Variants in PPP1R12A observed in about 807,000 individuals in gnomAD.
PPP1R12A encodes the protein protein phosphatase 1 regulatory subunit 12A.
Under a neutral mutation model 139.6 loss-of-function variants are expected in PPP1R12A, and 19 were observed. The observed-to-expected ratio is 0.14, with a 90% CI of 0.09 to 0.20. PPP1R12A has a LOEUF of 0.20. Ranked by LOEUF, PPP1R12A falls within the 10% of genes least tolerant of loss-of-function variation. The pLI is 1.00. For synonymous variants in PPP1R12A, 427 were observed against 420.6 expected, an observed-to-expected ratio of 1.02 and a Z score of -0.19; for missense variants, 925 against 1,211.5, an observed-to-expected ratio of 0.76 and a Z score of 3.51.
At chr12:79,874,306 A>G (rs1331911971) in intron 1 of PPP1R12A, among the ~76,000 whole-genome samples, 13 of 152,016 alleles carry the variant, frequency 8.6e-5, no homozygotes, top group African/African-American at 3.1e-4. Context: ...AATTAACAGT[A>G]TATTTGTTGC....
intron 7 of PPP1R12A, 69 bp from the exon 8 acceptor site, chr12:79,821,000 A>G: frequency 1.3e-6 from 2 of 1,597,198 alleles, no homozygotes; most frequent in Non-Finnish European, 1.7e-6. Flanking sequence ...TTCTTCCCAG[A>G]TCCACAATAA....
chr12:79,933,453 A>G (rs1056947835), intron 1 of PPP1R12A, among the ~76,000 whole-genome samples: 5 of 152,210 alleles, frequency 3.3e-5, no homozygotes, highest in African/African-American at 4.8e-5. Context: ...CAACCTCCCA[A>G]ACAAGTTTTT....
At chr12:79,810,293 G>A (rs545193372) in intron 9 of PPP1R12A, among the ~76,000 whole-genome samples, 1 of 152,204 alleles carries the variant, frequency 6.6e-6, no homozygotes, top group African/African-American at 2.4e-5. Flanking sequence ...ACAGAAATGA[G>A]CACACCATAA....
At chr12:79,877,138 A>G (rs576284269) in intron 1 of PPP1R12A, among the ~76,000 whole-genome samples, 2 of 152,282 alleles carry the variant, frequency 1.3e-5, no homozygotes, top group South Asian at 4.1e-4. Context: ...TGGTGTCTTT[A>G]TATTTCAAGT....
At chr12:79,806,071 G>T in intron 13 of PPP1R12A, 95 bp downstream of exon 13, 1 of 1,410,578 alleles carries the variant, frequency 7.1e-7, no homozygotes, top group South Asian at 1.4e-5. Context: ...CAAGATAAAT[G>T]AAAAAATCCA....
chr12:79,910,407 G>A (rs1216930667), intron 1 of PPP1R12A, among the ~76,000 whole-genome samples: 3 of 152,104 alleles, frequency 2.0e-5, no homozygotes, highest in Non-Finnish European at 4.4e-5. Context: ...TTGAACCTGG[G>A]AGGTGGGAGG....
intron 1 of PPP1R12A, among the ~76,000 whole-genome samples, chr12:79,874,482 T>C (rs949515883): frequency 2.2e-4 from 33 of 152,280 alleles, no homozygotes; most frequent in African/African-American, 7.7e-4. Flanking sequence ...ATGAATTAGT[T>C]ATTTTAATTA....
chr12:79,880,789 T>C (rs1013257373), intron 1 of PPP1R12A, among the ~76,000 whole-genome samples: 2 of 152,078 alleles, frequency 1.3e-5, no homozygotes, highest in East Asian at 3.9e-4. Context: ...ATTTTTTTGT[T>C]TGTTTGTTTA....
chr12:79,875,948 G>A (rs1883059367), intron 1 of PPP1R12A, among the ~76,000 whole-genome samples: 1 of 152,072 alleles, frequency 6.6e-6, no homozygotes, highest in Non-Finnish European at 1.5e-5. Flanking sequence ...CAACAAAAAA[G>A]GATATTAATG....
intron 1 of PPP1R12A, among the ~76,000 whole-genome samples, chr12:79,875,556 A>G (rs1883018010): frequency 6.6e-6 from 1 of 152,228 alleles, no homozygotes; most frequent in Admixed American, 6.5e-5. Flanking sequence ...ATGTGGGCTG[A>G]TGACTATTAT....
At chr12:79,807,525 A>G (rs1247271774) in intron 11 of PPP1R12A, among the ~76,000 whole-genome samples, 195 bp from the exon 12 acceptor site, 1 of 152,042 alleles carries the variant, frequency 6.6e-6, no homozygotes, top group Non-Finnish European at 1.5e-5. Context: ...TCCCCTAAGT[A>G]TGGGGGAAAA....
chr12:79,933,467 AC>A (rs1414853863), intron 1 of PPP1R12A, among the ~76,000 whole-genome samples: 1 of 152,216 alleles, frequency 6.6e-6, no homozygotes, highest in Non-Finnish European at 1.5e-5. Context: ...AGTTTTTACT[AC>A]AACATTATTC....
intron 1 of PPP1R12A, among the ~76,000 whole-genome samples, chr12:79,875,809 T>TA (rs1420995618): frequency 6.6e-6 from 1 of 152,188 alleles, no homozygotes; most frequent in Non-Finnish European, 1.5e-5. Flanking sequence ...CATAGACCAT[T>TA]ACCTTTATCT....
At chr12:79,783,440 C>T (rs922039896) in intron 22 of PPP1R12A, among the ~76,000 whole-genome samples, 13 of 151,982 alleles carry the variant, frequency 8.6e-5, no homozygotes, top group Admixed American at 2.0e-4. Context: ...TGCACTCCAG[C>T]TTGAGTGACA....
chr12:79,860,439 G>A (rs1475813610), intron 2 of PPP1R12A, among the ~76,000 whole-genome samples: 3 of 152,008 alleles, frequency 2.0e-5, no homozygotes, highest in Non-Finnish European at 4.4e-5. Context: ...TACTACAACT[G>A]AAAAGAACAA....
At chr12:79,865,253 C>T (rs769551083) in intron 2 of PPP1R12A, among the ~76,000 whole-genome samples, 3 of 152,078 alleles carry the variant, frequency 2.0e-5, no homozygotes, top group Non-Finnish European at 2.9e-5. Flanking sequence ...AAAAGGCCTT[C>T]GATAAAATTC....
At chr12:79,776,081 A>G (rs1869681853) in intron 24 of PPP1R12A, 66 bp from the exon 25 acceptor site, 11 of 985,102 alleles carry the variant, frequency 1.1e-5, no homozygotes, top group Non-Finnish European at 1.7e-5. Context: ...ATTATTCTTA[A>G]TAAATGTTAT....
chr12:79,934,968 G>C lies in PPP1R12A; in HGVS notation c.-37C>G. The C allele has an allele frequency of 6.5e-7, 1 of 1,547,226 alleles. No individual in the cohort carries two copies. ...CCGCCGGGTCTTCTTATCGCGAGGG[G>C]GGGAAGGGGGAGGCGGAGAGGGAAG... On this transcript the variant is annotated 5_prime_UTR_variant, in exon 1 of 25. Coordinates refer to ENST00000450142, the MANE Select transcript of PPP1R12A (RefSeq NM_002480.3).
At chr12:79,806,860 A>G (rs545705290) in intron 12 of PPP1R12A, 46 of 167,210 alleles carry the variant, frequency 2.8e-4, no homozygotes, top group Non-Finnish European at 5.2e-4. Context: ...AGGCATTTCC[A>G]TAGCTCTGAG....
Sources: gnomAD v4.1 joint callset for allele counts (sites outside exome capture counted in the v4.1 genomes callset) on GRCh38, gnomAD v4.1.1 for gene constraint, MANE v1.5 for transcripts, NCBI Gene and HGNC (gene_info 2026-07-23, HGNC 2026-07-21) for gene names.